The following PRDM5 variants were observed in gnomAD, a reference collection of about 807,000 sequenced individuals.
The protein encoded by PRDM5 is PR/SET domain 5, also known as PR domain zinc finger protein 5.
A neutral mutation model predicts 81.2 loss-of-function variants in PRDM5; 56 were observed. That is an observed-to-expected ratio of 0.69 (90% confidence interval 0.56 to 0.86). The LOEUF is 0.86. PRDM5 is among the 40% of genes least tolerant of loss of function. PRDM5 has a pLI of 0.00. For missense variants in PRDM5, 697 were observed against 770.1 expected (o/e 0.91, Z 1.12); for synonymous variants, 267 against 256.4 (o/e 1.04, Z -0.39).
chr4:120,739,507 C>T (rs1741598522), intron 14 of PRDM5, among the ~76,000 whole-genome samples: 1 of 152,178 alleles, frequency 6.6e-6, no homozygotes, highest in Admixed American at 6.5e-5. Flanking sequence ...AGAAAAATCA[C>T]AGCCAATGCC....
At chr4:120,769,508 T>C (rs564539196) in intron 13 of PRDM5, among the ~76,000 whole-genome samples, 1 of 152,228 alleles carries the variant, frequency 6.6e-6, no homozygotes, top group Admixed American at 6.5e-5. Context: ...AGTTGATAAG[T>C]CTCATGAGAA....
intron 3 of PRDM5, among the ~76,000 whole-genome samples, chr4:120,832,596 A>G (rs1756853306): frequency 6.6e-6 from 1 of 152,116 alleles, no homozygotes; most frequent in African/African-American, 2.4e-5. Flanking sequence ...GCACTATATC[A>G]TATTCACCTT....
rs772315152 is a variant in PRDM5, at chr4:120,813,678, T to C, written c.866-2229A>G. ...TCTCCCAGGCAAAATGAATATCTGA[T>C]AGCATATATTTGGTCATCAATTTCC... is the stretch of plus-strand genomic sequence containing the variant. On this transcript the variant is annotated intron_variant, in intron 7 of 15. Coordinates refer to ENST00000264808, the MANE Select transcript of PRDM5 (RefSeq NM_018699.4). Among the ~76,000 whole-genome samples the C allele has an allele frequency of 3.3e-5, 5 of 152,200 alleles. No individual in the cohort carries two copies. In the South Asian group the frequency reaches 1.0e-3, roughly 31 times the overall value.
At chr4:120,858,441 G>A (rs1436771515) in intron 2 of PRDM5, among the ~76,000 whole-genome samples, 1 of 152,182 alleles carries the variant, frequency 6.6e-6, no homozygotes, top group African/African-American at 2.4e-5. Flanking sequence ...TCAGAAATCA[G>A]CAATGATCAT....
chr4:120,743,063 A>G (rs1264039841), intron 14 of PRDM5, among the ~76,000 whole-genome samples: 1 of 151,956 alleles, frequency 6.6e-6, no homozygotes, highest in Non-Finnish European at 1.5e-5. Context: ...GAAGCCCATC[A>G]GACTAATAGC....
intron 10 of PRDM5, among the ~76,000 whole-genome samples, chr4:120,795,588 CA>C (rs199790541): frequency 1.9e-3 from 210 of 111,292 alleles, no homozygotes; most frequent in South Asian, 3.2e-3. Context: ...ACTAAATTTT[CA>C]AAAAAAAAAA....
chr4:120,811,341 A>G, intron 8 of PRDM5, 29 bp downstream of exon 8: 4 of 1,417,318 alleles, frequency 2.8e-6, no homozygotes, highest in Non-Finnish European at 4.0e-6. Flanking sequence ...GATAGATATT[A>G]AACTGTGATG....
intron 3 of PRDM5, chr4:120,838,180 T>A (rs1380102854): frequency 6.6e-6 from 1 of 152,212 alleles, no homozygotes; most frequent in East Asian, 1.9e-4. Flanking sequence ...CCTCTGTACC[T>A]TCTTCATGCA....
intron 2 of PRDM5, among the ~76,000 whole-genome samples, chr4:120,868,375 G>C (rs759696290): frequency 5.3e-5 from 8 of 152,230 alleles, no homozygotes; most frequent in Middle Eastern, 3.4e-3. Context: ...ATGCTAGCTA[G>C]GTAGGATAAA....
intron 1 of PRDM5, among the ~76,000 whole-genome samples, chr4:120,913,195 A>G (rs1374619541): frequency 6.6e-6 from 1 of 152,256 alleles, no homozygotes; most frequent in East Asian, 1.9e-4. Context: ...GAACTATCAC[A>G]CAAGTTCTTA....
intron 15 of PRDM5, among the ~76,000 whole-genome samples, chr4:120,705,389 T>C (rs964338891): frequency 1.3e-5 from 2 of 151,972 alleles, no homozygotes; most frequent in African/African-American, 4.8e-5. Context: ...GCTAAGGAAG[T>C]AATGGAGATA....
chr4:120,805,465 A>C (rs1578806407), intron 8 of PRDM5, among the ~76,000 whole-genome samples: 1 of 152,250 alleles, frequency 6.6e-6, no homozygotes, highest in East Asian at 1.9e-4. Flanking sequence ...AAATACTGGC[A>C]AATCAAATCC....
At chr4:120,820,595 T>G (rs1174107339) in intron 4 of PRDM5, among the ~76,000 whole-genome samples, 1 of 152,190 alleles carries the variant, frequency 6.6e-6, no homozygotes, top group East Asian at 1.9e-4. Flanking sequence ...CTACGGTCAC[T>G]GAAAGTTTTT....
intron 8 of PRDM5, among the ~76,000 whole-genome samples, chr4:120,802,909 G>A (rs1045946584): frequency 2.6e-5 from 4 of 152,148 alleles, no homozygotes; most frequent in Admixed American, 1.3e-4. Context: ...AAACTTCTCC[G>A]AGCTAAAGGA....
chr4:120,713,202 T>A (rs1319748976), intron 14 of PRDM5, among the ~76,000 whole-genome samples: 1 of 152,192 alleles, frequency 6.6e-6, no homozygotes, highest in Non-Finnish European at 1.5e-5. Context: ...ACCTTTTCTA[T>A]CTGTAATAAT....
chr4:120,777,805 G>A (rs2149228673), intron 12 of PRDM5, among the ~76,000 whole-genome samples: 1 of 152,224 alleles, frequency 6.6e-6, no homozygotes, highest in Admixed American at 6.5e-5. Context: ...GGTGGTAACT[G>A]AGCAGTCAAT....
At chr4:120,768,698 T>TA (rs1462796922) in intron 13 of PRDM5, among the ~76,000 whole-genome samples, 1 of 152,064 alleles carries the variant, frequency 6.6e-6, no homozygotes, top group Non-Finnish European at 1.5e-5. Flanking sequence ...ACAAAACAGA[T>TA]AGAGCATTTG....
intron 13 of PRDM5, among the ~76,000 whole-genome samples, chr4:120,766,070 C>T (rs1295322888): frequency 6.6e-6 from 1 of 151,898 alleles, no homozygotes; most frequent in African/African-American, 2.4e-5. Flanking sequence ...AGCGATTCTC[C>T]TGCCTCAGCC....
rs777525858 is a variant in PRDM5 at position 120,816,965 on chromosome 4, AACTGG to A, written c.651-46_651-42del. ...AAAAAGAGAAAGAAAAGAAAACAAA[AACTGG>A]AACTCTAAGACAAAAATGAAACTAC... On this transcript the variant is annotated intron_variant, in intron 5 of 15. Coordinates refer to ENST00000264808, the MANE Select transcript of PRDM5 (RefSeq NM_018699.4). 9.5e-6 allele frequency: 14 copies of A among 1,478,618 alleles called. No homozygotes were observed. In the South Asian group the frequency reaches 1.6e-4, roughly 17 times the overall value. The allele number at this position is 1,478,618 out of a possible 1,614,324, so 91.6% of individuals were successfully genotyped here.
Sources: allele counts gnomAD v4.1 joint callset (sites outside exome capture counted in the v4.1 genomes callset), GRCh38; gene constraint gnomAD v4.1.1; transcripts MANE v1.5; gene names NCBI Gene and HGNC (gene_info 2026-07-23, HGNC 2026-07-21).